The following CCDC25 variants were observed in gnomAD, a reference collection of about 807,000 sequenced individuals.
CCDC25 encodes the protein coiled-coil domain-containing protein 25.
In CCDC25, 16 loss-of-function variants were observed where a neutral mutation model predicts 35.3. The ratio of observed to expected loss-of-function variants is 0.45; its 90% CI spans 0.31 to 0.69. The LOEUF (loss-of-function observed/expected upper bound fraction) is 0.69, where lower values mean the gene tolerates loss of function less well. CCDC25 is among the 30% of genes least tolerant of loss of function. The probability of loss-of-function intolerance (pLI) is 0.06; values close to 1 mark genes in which losing one functional copy is unlikely to be tolerated. For synonymous variants in CCDC25, 79 were observed against 80.3 expected (o/e 0.98, Z 0.09); for missense variants, 179 against 250.7 (o/e 0.71, Z 1.93).
intron 1 of CCDC25, among the ~76,000 whole-genome samples, chr8:27,768,833 G>A (rs905553242): frequency 6.6e-6 from 1 of 152,162 alleles, no homozygotes; most frequent in African/African-American, 2.4e-5. Flanking sequence ...TTAGGCAGAT[G>A]ATATTAACAG....
At chr8:27,742,422 G>T (rs1182251172) in intron 7 of CCDC25, among the ~76,000 whole-genome samples, 3 of 152,218 alleles carry the variant, frequency 2.0e-5, no homozygotes, top group Non-Finnish European at 4.4e-5. Context: ...TGAAACAAAA[G>T]TGGTGAGAAC....
At chr8:27,771,639 C>G (rs1213782271) in intron 1 of CCDC25, among the ~76,000 whole-genome samples, 1 of 152,042 alleles carries the variant, frequency 6.6e-6, no homozygotes, top group Non-Finnish European at 1.5e-5. Flanking sequence ...CTGTCCACGC[C>G]CTCAAGGGAC....
At chr8:27,740,653 G>A in intron 7 of CCDC25, 136 bp from the exon 8 acceptor site, 1 of 677,616 alleles carries the variant, frequency 1.5e-6, no homozygotes, top group Non-Finnish European at 2.5e-6. Context: ...TATAATCTCT[G>A]CACTCAAGGA....
intron 3 of CCDC25, 28 bp downstream of exon 3, chr8:27,762,391 A>G (rs192357596): frequency 2.2e-5 from 35 of 1,605,852 alleles, no homozygotes; most frequent in South Asian, 1.1e-5. Flanking sequence ...GATGATCTAC[A>G]GAGGGCAGAA....
At chr8:27,761,869 A>G (rs1438930735) in intron 3 of CCDC25, among the ~76,000 whole-genome samples, 1 of 152,232 alleles carries the variant, frequency 6.6e-6, no homozygotes, top group Non-Finnish European at 1.5e-5. Context: ...AGCAAAATAA[A>G]TGATCTCAAA....
chr8:27,761,095 C>T (rs1804212839), intron 3 of CCDC25, among the ~76,000 whole-genome samples: 1 of 151,956 alleles, frequency 6.6e-6, no homozygotes, highest in South Asian at 2.1e-4. Flanking sequence ...CACCATTGCA[C>T]TCCAGCCTCG....
intron 1 of CCDC25, chr8:27,772,201 A>G (rs1264536172): frequency 2.0e-6 from 1 of 510,866 alleles, no homozygotes; most frequent in Non-Finnish European, 3.5e-6. Context: ...AGGTGTGTGG[A>G]GGAGCCCACA....
At chr8:27,769,142 T>A (rs1200952174) in intron 1 of CCDC25, among the ~76,000 whole-genome samples, 1 of 152,258 alleles carries the variant, frequency 6.6e-6, no homozygotes, top group East Asian at 1.9e-4. Context: ...GTTTCTATAC[T>A]GCCAATATGT....
At chr8:27,764,278 T>G (rs759431970) in intron 2 of CCDC25, 4 of 179,492 alleles carry the variant, frequency 2.2e-5, no homozygotes, top group Non-Finnish European at 4.8e-5. Flanking sequence ...ATACATACAT[T>G]CACTTACTTC....
intron 5 of CCDC25, 63 bp from the exon 6 acceptor site, chr8:27,748,661 C>T: frequency 1.6e-6 from 2 of 1,228,366 alleles, no homozygotes; most frequent in South Asian, 2.5e-5. Context: ...GTTCCCTTAC[C>T]CACTGGCAAA....
intron 1 of CCDC25, among the ~76,000 whole-genome samples, chr8:27,769,691 GC>G (rs1804519585): frequency 6.6e-6 from 1 of 152,172 alleles, no homozygotes; most frequent in Admixed American, 6.6e-5. Context: ...ACTGTGGAAG[GC>G]TAAACTACTG....
At chr8:27,768,080 G>A (rs1563461428) in intron 1 of CCDC25, among the ~76,000 whole-genome samples, 1 of 151,846 alleles carries the variant, frequency 6.6e-6, no homozygotes, top group African/African-American at 2.4e-5. Flanking sequence ...GGTGGCTAAA[G>A]TGGGAGGATC....
intron 2 of CCDC25, among the ~76,000 whole-genome samples, 174 bp downstream of exon 2, chr8:27,765,030 T>A (rs1804352571): frequency 6.6e-6 from 1 of 152,182 alleles, no homozygotes. Context: ...CTTATGTAGC[T>A]TAGGAGGTGC....
At chr8:27,749,638 G>A (rs529110576) in intron 5 of CCDC25, among the ~76,000 whole-genome samples, 78 of 151,974 alleles carry the variant, frequency 5.1e-4, no homozygotes, top group African/African-American at 1.3e-3. Context: ...TAAATACAGC[G>A]CAAGTAAATA....
intron 5 of CCDC25, 111 bp from the exon 6 acceptor site, chr8:27,748,709 CA>C (rs1718031368): frequency 4.1e-6 from 3 of 739,596 alleles, no homozygotes; most frequent in Admixed American, 2.3e-5. Flanking sequence ...TTAGAACGAA[CA>C]GGCCACCCCT....
In CCDC25 at chr8:27,772,634, C is replaced by G. The variant is rs1345778680; in HGVS notation, c.-94G>C. On this transcript the variant is annotated 5_prime_UTR_variant, in exon 1 of 9. Coordinates refer to ENST00000356537, the MANE Select transcript of CCDC25 (RefSeq NM_018246.3). ...AGACTCGCGGCGGCCGCCTGGCCCC[C>G]GGAACTCCTCCGTGCACTTCCGGCG... is the stretch of plus-strand genomic sequence containing the variant. The G allele has an allele frequency of 4.6e-6, 6 of 1,303,242 alleles. No homozygotes were observed. The highest frequency in any genetic ancestry group is 2.9e-5 in the African/African-American group (2 of 67,902). The allele number at this position is 1,303,242 out of a possible 1,614,324, so 80.7% of individuals were successfully genotyped here. A position where few individuals can be genotyped will look rare whatever the true frequency, so the allele number is the denominator to read the frequency against.
intron 3 of CCDC25, among the ~76,000 whole-genome samples, chr8:27,761,746 C>A (rs572587442): frequency 9.2e-5 from 14 of 152,170 alleles, no homozygotes; most frequent in African/African-American, 3.4e-4. Flanking sequence ...ATAAAAGGCC[C>A]CAGGTCTGAA....
chr8:27,759,881 C>T (rs546387580), intron 3 of CCDC25, among the ~76,000 whole-genome samples: 1 of 151,970 alleles, frequency 6.6e-6, no homozygotes, highest in East Asian at 1.9e-4. Flanking sequence ...GGGATAAATC[C>T]AGATGCTGAC....
intron 7 of CCDC25, among the ~76,000 whole-genome samples, chr8:27,744,733 G>A (rs1291550862): frequency 6.6e-6 from 1 of 152,232 alleles, no homozygotes; most frequent in Non-Finnish European, 1.5e-5. Context: ...GGCCTTGCCA[G>A]TTTGTTCATT....
Sources: allele counts gnomAD v4.1 joint callset (sites outside exome capture counted in the v4.1 genomes callset), GRCh38; gene constraint gnomAD v4.1.1; transcripts MANE v1.5; gene names NCBI Gene and HGNC (gene_info 2026-07-23, HGNC 2026-07-21).